The following ADGRG4 variants were observed in gnomAD, a reference collection of about 807,000 sequenced individuals.
ADGRG4 encodes G protein-coupled receptor 112.
A neutral mutation model predicts 126.2 loss-of-function variants in ADGRG4; 122 were observed. That is an observed-to-expected ratio of 0.97 (90% CI 0.83 to 1.12). ADGRG4 has a LOEUF of 1.12. ADGRG4 is among the 50% of genes most tolerant of loss of function. ADGRG4 has a pLI of 0.00. For synonymous variants in ADGRG4, 943 were observed against 838.7 expected (o/e 1.12, Z -2.15); for missense variants, 2,481 against 2,251.8 (o/e 1.10, Z -2.06).
At chrX:136,316,683 G>T (rs1211808293) in intron 4 of ADGRG4, among the ~76,000 whole-genome samples, 1 of 111,447 alleles carries the variant, frequency 9.0e-6, no homozygotes, top group Non-Finnish European at 1.9e-5. Flanking sequence ...GGCCAGGCTG[G>T]TCTCAAACTC....
At chrX:136,385,980 T>C (rs903001005) in intron 15 of ADGRG4, among the ~76,000 whole-genome samples, 3 of 111,829 alleles carry the variant, frequency 2.7e-5, no homozygotes, top group African/African-American at 9.7e-5. Context: ...TTGCCCTGGC[T>C]TTTGTTTCTG....
intron 9 of ADGRG4, among the ~76,000 whole-genome samples, chrX:136,357,481 G>A (rs370443039): frequency 2.9e-4 from 32 of 112,226 alleles, no homozygotes; most frequent in African/African-American, 1.0e-3. Flanking sequence ...CTGTGACTCA[G>A]ATTCCTCATG....
intron 15 of ADGRG4, among the ~76,000 whole-genome samples, chrX:136,383,846 CTTTCT>C (rs1451997333): frequency 1.4e-5 from 1 of 72,463 alleles, no homozygotes; most frequent in Non-Finnish European, 2.9e-5. Flanking sequence ...TTCTTTCTTT[CTTTCT>C]TTCTTTCTTT....
chrX:136,413,221 G>T (rs941610483), intron 24 of ADGRG4, among the ~76,000 whole-genome samples: 1 of 106,501 alleles, frequency 9.4e-6, no homozygotes, highest in South Asian at 4.4e-4. Flanking sequence ...TATATCTCCC[G>T]ATGCTATCCC....
intron 13 of ADGRG4, among the ~76,000 whole-genome samples, chrX:136,369,679 A>G (rs2075181276): frequency 8.9e-6 from 1 of 112,426 alleles, no homozygotes; most frequent in African/African-American, 3.2e-5. Context: ...GAATGAGCTC[A>G]CTATCTTTTT....
chrX:136,343,688 C>T (rs903199373), intron 5 of ADGRG4, among the ~76,000 whole-genome samples: 1 of 112,111 alleles, frequency 8.9e-6, no homozygotes, highest in Non-Finnish European at 1.9e-5. Context: ...CATTTTCAAT[C>T]TGGTGTTTAA....
chrX:136,403,881 G>A (rs763624283), intron 22 of ADGRG4, among the ~76,000 whole-genome samples: 8 of 111,037 alleles, frequency 7.2e-5, no homozygotes, highest in Non-Finnish European at 1.3e-4. Context: ...CATCTCTTTA[G>A]TTCTCTCAAC....
At chrX:136,307,836 T>C (rs1396020348) in intron 3 of ADGRG4, among the ~76,000 whole-genome samples, 1 of 112,632 alleles carries the variant, frequency 8.9e-6, no homozygotes, top group Non-Finnish European at 1.9e-5. Context: ...AACACCATTT[T>C]GTTTGGAGAA....
intron 16 of ADGRG4, among the ~76,000 whole-genome samples, chrX:136,388,707 G>A (rs764222348): frequency 8.9e-6 from 1 of 111,782 alleles, no homozygotes; most frequent in East Asian, 2.8e-4. Flanking sequence ...CTATTGGGAA[G>A]ACAGTAATCA....
chrX:136,416,781 GA>G lies in ADGRG4; in HGVS notation c.*294del. 1 of 205,205 alleles carries G rather than the reference GA, an allele frequency of 4.9e-6. No individual in the cohort carries two copies. 16.9% of individuals were successfully genotyped at this position (205,205 alleles called of 1,213,427 possible). The stretch of plus-strand genomic sequence containing the variant: ...TGCCTCCTCCCAACCCCTGATTGGG[GA>G]AAAGGTTGAATTTGTGAAACAATCT... On this transcript the variant is annotated 3_prime_UTR_variant, in exon 26 of 26. Transcript: ENST00000394143.
At position 136,344,464 on chromosome X, in the gene ADGRG4, C is replaced by A. The variant is rs747347620; in HGVS notation, c.758C>A (p.Ser253Tyr). ...VSQQIDMTTP[S>Y]QITGVKPQNT... ...CAACAGATAGATATGACCACTCCATCCCAAATTACTGGAGTAAAACCACAA... is the reference window on the plus strand; with the variant it reads ...CAACAGATAGATATGACCACTCCATACCAAATTACTGGAGTAAAACCACAA... The change falls in exon 6 of 26, where the codon TCC (serine) becomes TAC (tyrosine). Residue 253 changes from serine to tyrosine, a missense_variant. Transcript: ENST00000394143. 8.8e-5 allele frequency: 105 copies of A among 1,186,534 alleles called. No homozygotes were observed. The South Asian group carries it at 1.7e-3, about 19-fold the overall frequency.
At chrX:136,341,367 G>A (rs1480973851) in intron 5 of ADGRG4, among the ~76,000 whole-genome samples, 1 of 112,454 alleles carries the variant, frequency 8.9e-6, no homozygotes, top group Non-Finnish European at 1.9e-5. Flanking sequence ...AGAGGGAATT[G>A]TGAACTCTTC....
chrX:136,405,912 GCT>G lies in ADGRG4; in HGVS notation c.8876_8877del (p.Ala2959ValfsTer16), dbSNP rs1569339166. On this transcript the variant is annotated frameshift_variant, in exon 23 of 26. Transcript: ENST00000394143. LOFTEE classifies it high-confidence loss of function. Reference sequence around the variant, plus strand: ...CCTCACCTGGGGGTTTGCATTTTTTGCTTGGGGACCCATGAGGAACTTTTTCT... The same window carrying G: ...CCTCACCTGGGGGTTTGCATTTTTTGTGGGGACCCATGAGGAACTTTTTCT... ...LGLTWGFAFF[A>X]WGPMRNFFLY... 8.5e-7 allele frequency: 1 copy of G among 1,173,793 alleles called. No homozygotes were observed. The highest frequency in any genetic ancestry group is 3.0e-5 in the East Asian group (1 of 32,999).
At chrX:136,406,019 C>T (rs2075407078) in intron 23 of ADGRG4, 47 bp downstream of exon 23, 1 of 1,071,109 alleles carries the variant, frequency 9.3e-7, no homozygotes, top group Non-Finnish European at 1.2e-6. Flanking sequence ...ACACATGCAG[C>T]AAAGCTTTTG....
At chrX:136,357,956 G>A (rs190229950) in intron 10 of ADGRG4, among the ~76,000 whole-genome samples, 200 bp downstream of exon 10, 70 of 112,286 alleles carry the variant, frequency 6.2e-4, no homozygotes, top group African/African-American at 2.0e-3. Context: ...ACAGGCTAGC[G>A]GCCAGCCTGC....
intron 16 of ADGRG4, 53 bp downstream of exon 16, chrX:136,387,927 T>C: frequency 1.9e-6 from 2 of 1,068,121 alleles, no homozygotes; most frequent in South Asian, 4.2e-5. Flanking sequence ...TGACTCATTG[T>C]AATTATGAAC....
intron 8 of ADGRG4, among the ~76,000 whole-genome samples, chrX:136,354,899 C>T (rs986623582): frequency 1.3e-4 from 14 of 111,756 alleles, no homozygotes; most frequent in African/African-American, 4.6e-4. Context: ...CTCCAGGAAC[C>T]TCCATGTATT....
At chrX:136,303,357 G>T (rs1395578964) in intron 1 of ADGRG4, among the ~76,000 whole-genome samples, 1 of 111,492 alleles carries the variant, frequency 9.0e-6, no homozygotes, top group Non-Finnish European at 1.9e-5. Flanking sequence ...GGAGGCTGAG[G>T]TGGGAGGATT....
In ADGRG4 at chrX:136,308,860, A is replaced by ACATT; in HGVS notation, c.70+13_70+14insCATT. On this transcript the variant is annotated intron_variant, in intron 4 of 25. Transcript: ENST00000394143. ...ATCTTTCTCTCAGGTAAGAAAATGT[A>ACATT]TTCTTATTATCTCTTTCAATGTCTC... 1.0e-6 allele frequency: 1 copy of ACATT among 964,272 alleles called. No individual in the cohort carries two copies. The highest frequency in any genetic ancestry group is 1.5e-6 in the Non-Finnish European group (1 of 671,932). 79.5% of individuals were successfully genotyped at this position (964,272 alleles called of 1,213,427 possible). A position where few individuals can be genotyped will look rare whatever the true frequency, so the allele number is the denominator to read the frequency against.
Sources: gnomAD v4.1 joint callset for allele counts (sites outside exome capture counted in the v4.1 genomes callset) on GRCh38, gnomAD v4.1.1 for gene constraint, MANE v1.5 for transcripts, NCBI Gene and HGNC (gene_info 2026-07-23, HGNC 2026-07-21) for gene names.